Variants in SGO2 observed in about 807,000 individuals in gnomAD.
SGO2 encodes shugoshin 2, also known as shugoshin-like 2.
A neutral mutation model predicts 99.5 loss-of-function variants in SGO2; 68 were observed. The observed-to-expected ratio is 0.68, with a 90% CI of 0.56 to 0.84. The LOEUF (loss-of-function observed/expected upper bound fraction) is 0.84. Among genes scored for constraint, SGO2 ranks in the 40% least tolerant of loss-of-function variants. The pLI is 0.00. For missense variants in SGO2, 1,350 were observed against 1,436.7 expected, an observed-to-expected ratio of 0.94 and a Z score of 0.97; for synonymous variants, 457 against 487.1, an observed-to-expected ratio of 0.94 and a Z score of 0.81.
intron 5 of SGO2, among the ~76,000 whole-genome samples, chr2:200,545,923 C>T (rs1167973766): frequency 6.6e-6 from 1 of 152,130 alleles, no homozygotes; most frequent in Non-Finnish European, 1.5e-5. Flanking sequence ...GACTACCATC[C>T]CCAGCCCAGA....
rs1208689992 is a variant in SGO2, at chr2:200,570,546, CAT to C, written c.704-498_704-497del. Among the ~76,000 whole-genome samples, 54 of 139,138 alleles carry C rather than the reference CAT, an allele frequency of 3.9e-4. No homozygotes were observed. Among genetic ancestry groups the C allele is most frequent in the African/African-American group, 1.2e-3 (48 of 38,916 alleles). 91.3% of individuals were successfully genotyped at this position (139,138 alleles called of 152,430 possible). A position where few individuals can be genotyped will look rare whatever the true frequency, so the allele number is the denominator to read the frequency against. On this transcript the variant is annotated intron_variant, in intron 6 of 8. Coordinates refer to ENST00000357799, the MANE Select transcript of SGO2 (RefSeq NM_152524.6). The surrounding 1 kb of genome is among the most constrained non-coding windows in gnomAD (Gnocchi z 4.4). ...TATGTATATAATATATACACACACA[CAT>C]ATATACACACATATATATGGTATAC...
At chr2:200,533,265 C>T (rs1439889944) in intron 2 of SGO2, 157 bp downstream of exon 2, 2 of 734,370 alleles carry the variant, frequency 2.7e-6, no homozygotes, top group African/African-American at 3.7e-5. Context: ...TCTCCTTCAA[C>T]TCCTGTTAGT....
At chr2:200,536,813 G>A (rs10497852) in intron 4 of SGO2, among the ~76,000 whole-genome samples, 25,017 of 151,906 alleles carry the variant, frequency 0.16, 2,312 homozygotes, top group Non-Finnish European at 0.21. Context: ...TCATATAGAC[G>A]TACTGTTCTA....
At chr2:200,563,496 CAG>C (rs2033059447) in intron 5 of SGO2, among the ~76,000 whole-genome samples, 1 of 152,186 alleles carries the variant, frequency 6.6e-6, no homozygotes, top group Non-Finnish European at 1.5e-5. Context: ...CGATGTTCAT[CAG>C]AGTTATTGGT....
chr2:200,571,743 A>G lies in SGO2; in HGVS notation c.1397A>G (p.Gln466Arg). ...GCTCAGATGAATGAACAGCTGGCTC[A>G]GGTGAATGAACTAAAGAAAATGACC... ...QLAQMNEQLA[Q>R]VNELKKMTLQ... Residue 466 changes from glutamine to arginine, a missense_variant, in exon 7 of 9, where the codon CAG (glutamine) becomes CGG (arginine). Gln to Arg is a conservative substitution (Grantham distance 43). Coordinates refer to ENST00000357799, the MANE Select transcript of SGO2 (RefSeq NM_152524.6). 1.2e-6 allele frequency: 2 copies of G among 1,613,742 alleles called. No individual in the cohort carries two copies. Among genetic ancestry groups the G allele is most frequent in the Non-Finnish European group, 1.7e-6 (2 of 1,179,714 alleles).
chr2:200,554,611 A>G (rs544058033), intron 5 of SGO2, among the ~76,000 whole-genome samples: 12 of 152,356 alleles, frequency 7.9e-5, no homozygotes, highest in African/African-American at 2.4e-4. Context: ...ACAATTTTAC[A>G]TAACAGTTAT....
intron 5 of SGO2, among the ~76,000 whole-genome samples, chr2:200,556,736 A>T (rs1412426513): frequency 6.6e-6 from 1 of 152,220 alleles, no homozygotes; most frequent in African/African-American, 2.4e-5. Context: ...ACCTTACAGC[A>T]GCCAATTTTG....
intron 4 of SGO2, among the ~76,000 whole-genome samples, chr2:200,538,043 A>G (rs1438734386): frequency 6.6e-6 from 1 of 152,148 alleles, no homozygotes; most frequent in Non-Finnish European, 1.5e-5. Context: ...TGTCTTACTT[A>G]CATATTGTAT....
At chr2:200,529,357 A>G (rs1199769557) in intron 1 of SGO2, among the ~76,000 whole-genome samples, 1 of 152,212 alleles carries the variant, frequency 6.6e-6, no homozygotes, top group Non-Finnish European at 1.5e-5. Flanking sequence ...GCGCTATTCC[A>G]TGCGCTGGGG....
intron 5 of SGO2, among the ~76,000 whole-genome samples, chr2:200,558,158 C>T (rs191600300): frequency 1.9e-4 from 29 of 152,168 alleles, no homozygotes; most frequent in Middle Eastern, 3.4e-3. Flanking sequence ...CCACCGTGCC[C>T]GGCCAGCTAC....
At position 200,572,171 on chromosome 2, in the gene SGO2, A is replaced by G. The variant is rs1392887944; in HGVS notation, c.1825A>G (p.Ile609Val). Residue 609 changes from isoleucine (I) to valine (V), a missense_variant, in exon 7 of 9, where the codon ATT becomes GTT. Ile to Val is a conservative substitution (Grantham distance 29). Coordinates refer to ENST00000357799, the MANE Select transcript of SGO2 (RefSeq NM_152524.6). ...IQPSEQNESN[I>V]NKLRKKVNRK... is the part of the protein sequence containing the mutation. ...ACCCTCAGAGCAAAATGAATCAAAC[A>G]TTAATAAGCTTAGAAAGAAAGTAAA... The G allele has an allele frequency of 6.2e-7, 1 of 1,612,530 alleles. No homozygotes were observed. Among genetic ancestry groups the G allele is most frequent in the Non-Finnish European group, 8.5e-7 (1 of 1,179,410 alleles).
intron 5 of SGO2, among the ~76,000 whole-genome samples, chr2:200,551,263 G>T (rs2032473758): frequency 6.6e-6 from 1 of 152,124 alleles, no homozygotes; most frequent in Non-Finnish European, 1.5e-5. Context: ...GATAAAGTAT[G>T]GAAGATATAT....
At chr2:200,561,198 C>T (rs1412093502) in intron 5 of SGO2, among the ~76,000 whole-genome samples, 1 of 152,188 alleles carries the variant, frequency 6.6e-6, no homozygotes, top group Non-Finnish European at 1.5e-5. Context: ...TCCCCTCTGC[C>T]CCCACCCAAC....
At chr2:200,558,730 T>C (rs1458687496) in intron 5 of SGO2, among the ~76,000 whole-genome samples, 1 of 151,846 alleles carries the variant, frequency 6.6e-6, no homozygotes, top group Non-Finnish European at 1.5e-5. Flanking sequence ...GTAGGATTTT[T>C]TTTTTTTTTT....
chr2:200,573,649 C>G lies in SGO2; in HGVS notation c.3303C>G (p.Asp1101Glu), dbSNP rs1263147846. ...ATGAAGTAATGGAAAGAATACTTGACAGCGTTCAGGGAAAGTCTACTGTAT... is the reference window on the plus strand; with the variant it reads ...ATGAAGTAATGGAAAGAATACTTGAGAGCGTTCAGGGAAAGTCTACTGTAT... ...ESHEVMERIL[D>E]SVQGKSTVSE... The change falls in exon 7 of 9, where the codon GAC becomes GAG. Residue 1101 changes from aspartate (D) to glutamate (E), a missense_variant. By Grantham distance (45) the Asp-to-Glu change is conservative (BLOSUM62 2). Transcript: ENST00000357799. 6 of 1,613,196 alleles carry G rather than the reference C, an allele frequency of 3.7e-6. No homozygotes were observed. In the Admixed American group the frequency reaches 5.0e-5, roughly 13 times the overall value.
chr2:200,531,670 A>T (rs2031388284), intron 1 of SGO2: 1 of 152,254 alleles, frequency 6.6e-6, no homozygotes, highest in African/African-American at 2.4e-5. Flanking sequence ...TGGCTGCTGT[A>T]ACAAATTATC....
rs2031104285 is a variant in SGO2 at position 200,526,592 on chromosome 2, T to C, written c.-3+340T>C. The stretch of plus-strand genomic sequence containing the variant: ...ACAGTTTCTAGGGCATTGTGAGCGC[T>C]CAGTACGTGTCTGCGGAATGAATGT... On this transcript the variant is annotated intron_variant, in intron 1 of 8. Transcript: ENST00000357799. This position sits in a 1 kb window ranked among gnomAD's most constrained non-coding sequence, Gnocchi z 4.8. Among the ~76,000 whole-genome samples the C allele has an allele frequency of 6.6e-6, 1 of 152,092 alleles. No individual in the cohort carries two copies. The highest frequency in any genetic ancestry group is 1.9e-4 in the East Asian group (1 of 5,188).
In SGO2 at chr2:200,569,927, G is replaced by T. The variant is rs1052590913; in HGVS notation, c.703+35G>T. 3 of 1,347,528 alleles carry T rather than the reference G, an allele frequency of 2.2e-6. No individual in the cohort carries two copies. The African/African-American group carries it at 4.3e-5, about 19-fold the overall frequency. 83.5% of individuals were successfully genotyped at this position (1,347,528 alleles called of 1,614,324 possible). A position where few individuals can be genotyped will look rare whatever the true frequency, so the allele number is the denominator to read the frequency against. ...TTTTAAAAATTCATTTTGAGTATTTGTATTAGTTACATTCATCAGATGTTC... is the reference window on the plus strand; with the variant it reads ...TTTTAAAAATTCATTTTGAGTATTTTTATTAGTTACATTCATCAGATGTTC... On this transcript the variant is annotated intron_variant, in intron 6 of 8. Transcript: ENST00000357799.
chr2:200,572,908 AAATCT>A lies in SGO2; in HGVS notation c.2564_2568del (p.Asn855ThrfsTer5), dbSNP rs1220922493. On this transcript the variant is annotated frameshift_variant, in exon 7 of 9. Transcript: ENST00000357799. LOFTEE classifies it high-confidence loss of function. ...CAAAGGATAAAGAAACAATTTCTGAAAATCTACAAGTCACAAATGAATTTCAAACA... is the reference window on the plus strand; with the variant it reads ...CAAAGGATAAAGAAACAATTTCTGAAACAAGTCACAAATGAATTTCAAACA... 6.3e-7 allele frequency: 1 copy of A among 1,592,196 alleles called. No homozygotes were observed.
Sources: allele counts gnomAD v4.1 joint callset (sites outside exome capture counted in the v4.1 genomes callset), GRCh38; gene constraint gnomAD v4.1.1; non-coding constraint Gnocchi (gnomAD v3.1); transcripts MANE v1.5; gene names NCBI Gene and HGNC (gene_info 2026-07-23, HGNC 2026-07-21).